The following DLEC1 variants were observed in gnomAD, a reference collection of about 807,000 sequenced individuals.
DLEC1 encodes the protein DLEC1 cilia and flagella associated protein.
In DLEC1, 146 loss-of-function variants were observed where a neutral mutation model predicts 198.1. The observed-to-expected ratio is 0.74, with a 90% CI of 0.64 to 0.85. The LOEUF is 0.85. Ranked by LOEUF, DLEC1 falls within the 40% of genes least tolerant of loss-of-function variation. DLEC1 has a pLI of 0.00. For synonymous variants in DLEC1, 897 were observed against 866.8 expected (o/e 1.03, Z -0.61); for missense variants, 2,233 against 2,220.0 (o/e 1.01, Z -0.12).
At chr3:38,111,841 C>T (rs975352688) in intron 24 of DLEC1, 94 bp downstream of exon 24, 1 of 1,415,880 alleles carries the variant, frequency 7.1e-7, no homozygotes, top group South Asian at 1.3e-5. Context: ...GGGAGCGGGA[C>T]CAGGACCAGA....
At chr3:38,114,677 A>G (rs1057419476) in intron 26 of DLEC1, among the ~76,000 whole-genome samples, 1 of 152,144 alleles carries the variant, frequency 6.6e-6, no homozygotes, top group Admixed American at 6.5e-5. Flanking sequence ...TGTGGGGCAG[A>G]AGTGGCGAGT....
At chr3:38,057,353 G>A (rs1194164986) in intron 2 of DLEC1, among the ~76,000 whole-genome samples, 2 of 152,128 alleles carry the variant, frequency 1.3e-5, no homozygotes, top group African/African-American at 2.4e-5. Context: ...TTAGCTGGGC[G>A]TGGTGGCACG....
At chr3:38,040,629 C>G (rs564407155) in intron 1 of DLEC1, among the ~76,000 whole-genome samples, 2 of 152,256 alleles carry the variant, frequency 1.3e-5, no homozygotes, top group South Asian at 4.1e-4. Context: ...TTCAGCCTAC[C>G]CAGCCAGACC....
intron 3 of DLEC1, among the ~76,000 whole-genome samples, chr3:38,061,287 T>TTCAGCC (rs1438234121): frequency 6.6e-6 from 1 of 152,130 alleles, no homozygotes; most frequent in Non-Finnish European, 1.5e-5. Context: ...TTTCTCCTGC[T>TTCAGCC]TCAGCCTCAG....
intron 27 of DLEC1, among the ~76,000 whole-genome samples, chr3:38,115,645 G>A (rs530543441): frequency 7.2e-5 from 11 of 152,210 alleles, no homozygotes; most frequent in South Asian, 6.2e-4. Context: ...GGAGAGCTGC[G>A]AGCAGGACTG....
At position 38,086,228 on chromosome 3, in the gene DLEC1, C is replaced by A; in HGVS notation, c.1436-13C>A. Reference sequence around the variant, plus strand: ...CTGTTGTTTCTCTTGCACATGTTCTCCTGTGGCTACAGTGTCACCGGTGTT... The same window carrying A: ...CTGTTGTTTCTCTTGCACATGTTCTACTGTGGCTACAGTGTCACCGGTGTT... On this transcript the variant is annotated splice_polypyrimidine_tract_variant and intron_variant, in intron 8 of 36. Transcript: ENST00000308059. The A allele has an allele frequency of 6.2e-7, 1 of 1,601,484 alleles. No individual in the cohort carries two copies. Among genetic ancestry groups the A allele is most frequent in the Non-Finnish European group, 8.5e-7 (1 of 1,173,842 alleles).
At position 38,122,576 on chromosome 3, in the gene DLEC1, C is replaced by T. The variant is rs1700544991; in HGVS notation, c.*164C>T. ...CTTCCACAATGGTCTCAGCCTAGGC[C>T]CTCATGATATGTCCTCAGAGCTAAC... is the stretch of plus-strand genomic sequence containing the variant. On this transcript the variant is annotated 3_prime_UTR_variant, in exon 37 of 37. Coordinates refer to ENST00000308059, the MANE Select transcript of DLEC1 (RefSeq NM_007335.4). The T allele has an allele frequency of 6.3e-7, 1 of 1,595,552 alleles. No individual in the cohort carries two copies. Among genetic ancestry groups the T allele is most frequent in the Non-Finnish European group, 8.5e-7 (1 of 1,174,246 alleles).
Position 38,039,327 on chromosome 3 carries a change from C to T in DLEC1, c.102C>T (p.Ser34=). The change falls in exon 1 of 37, where the codon AGC becomes AGT. Residue 34 remains serine (S), a synonymous_variant. Transcript: ENST00000308059. ...CAACTTCGCCACCAGCCGGGTCCAG[C>T]AGCCCCAGCCAGCCCACCTGGAAGT... ...WAPTSPPAGS[S]SPSQPTWKSS... 1.2e-6 allele frequency: 2 copies of T among 1,614,232 alleles called. No homozygotes were observed. Among genetic ancestry groups the T allele is most frequent in the South Asian group, 2.2e-5 (2 of 91,088 alleles).
At chr3:38,114,736 T>C (rs545457087) in intron 26 of DLEC1, among the ~76,000 whole-genome samples, 11 of 152,118 alleles carry the variant, frequency 7.2e-5, no homozygotes, top group African/African-American at 1.9e-4. Context: ...CCTGGCACAG[T>C]TGAACTGGAA....
At chr3:38,045,772 C>T in intron 2 of DLEC1, 79 bp downstream of exon 2, 1 of 1,415,890 alleles carries the variant, frequency 7.1e-7, no homozygotes, top group South Asian at 1.4e-5. Flanking sequence ...ATTGCCCACT[C>T]TCTAGGCTTT....
At position 38,115,023 on chromosome 3, in the gene DLEC1, A is replaced by G; in HGVS notation, c.3826A>G (p.Thr1276Ala). The G allele has an allele frequency of 6.2e-7, 1 of 1,610,790 alleles. No homozygotes were observed. The highest frequency in any genetic ancestry group is 1.3e-5 in the African/African-American group (1 of 74,202). The change falls in exon 27 of 37, where the codon ACC becomes GCC. Residue 1276 changes from threonine to alanine, a missense_variant. By Grantham distance (58) the Thr-to-Ala change is moderately conservative. Transcript: ENST00000308059. ...CTCCGGAGGAGACACAGTTACCCGA[A>G]CCCTTCGCCTGAATAACTCCAGCCC... ...QVSGGDTVTR[T>A]LRLNNSSPCD...
intron 8 of DLEC1, 150 bp downstream of exon 8, chr3:38,085,597 C>A: frequency 1.1e-6 from 1 of 903,080 alleles, no homozygotes; most frequent in Non-Finnish European, 1.6e-6. Context: ...CTGCTAGCAG[C>A]TTCTGTAGCC....
rs1700391326 is a variant in DLEC1, at chr3:38,120,491, A to G, written c.4748A>G (p.Gln1583Arg). ...CTCTCCCTGGAGCTGCTCTCCTATC[A>G]GAAGCTCCCAGCTGACCAGACACTG... Reference protein sequence around the residue: ...FSLSLELLSYQKLPADQTLPG... With the variant: ...FSLSLELLSYRKLPADQTLPG... The change falls in exon 34 of 37, where the codon CAG becomes CGG. Residue 1583 changes from glutamine to arginine, a missense_variant. Physicochemically the swap from Gln to Arg is conservative, Grantham distance 43 (BLOSUM62 1). Transcript: ENST00000308059. 6 of 1,614,224 alleles carry G rather than the reference A, an allele frequency of 3.7e-6. No homozygotes were observed. Among genetic ancestry groups the G allele is most frequent in the Non-Finnish European group, 4.2e-6 (5 of 1,180,030 alleles).
Position 38,094,975 on chromosome 3 carries a change from C to T in DLEC1, c.2016C>T (p.Tyr672=), listed in dbSNP as rs761243331. 5.6e-6 allele frequency: 9 copies of T among 1,614,232 alleles called. No homozygotes were observed. The East Asian group carries it at 2.0e-4, about 36-fold the overall frequency. ...ETFSMDSIKC[Y]PDKETAFSIM... The stretch of plus-strand genomic sequence containing the variant: ...TCAGCATGGACAGCATCAAGTGCTA[C>T]CCCGACAAGGAGACTGCCTTCTCCA... Residue 672 remains tyrosine, a synonymous_variant, in exon 13 of 37, where the codon TAC becomes TAT. Coordinates refer to ENST00000308059, the MANE Select transcript of DLEC1 (RefSeq NM_007335.4).
intron 10 of DLEC1, among the ~76,000 whole-genome samples, chr3:38,092,317 A>G (rs1698783326): frequency 6.6e-6 from 1 of 152,218 alleles, no homozygotes; most frequent in African/African-American, 2.4e-5. Flanking sequence ...GATTGCACCT[A>G]TATGTTGGAC....
chr3:38,095,804 A>C, intron 13 of DLEC1, 84 bp from the exon 14 acceptor site: 3 of 1,551,680 alleles, frequency 1.9e-6, no homozygotes, highest in South Asian at 2.2e-5. Flanking sequence ...AAGGGGAGGA[A>C]GAATTCCTGC....
At chr3:38,060,537 G>A (rs1696623653) in intron 3 of DLEC1, among the ~76,000 whole-genome samples, 1 of 152,122 alleles carries the variant, frequency 6.6e-6, no homozygotes, top group Non-Finnish European at 1.5e-5. Flanking sequence ...TTGATTCTCT[G>A]GGGCTTGGGA....
At chr3:38,058,791 G>A (rs1026558544) in intron 2 of DLEC1, among the ~76,000 whole-genome samples, 7 of 152,044 alleles carry the variant, frequency 4.6e-5, no homozygotes, top group Non-Finnish European at 1.0e-4. Flanking sequence ...AGTGGGGGAC[G>A]TTGATAATGG....
rs570161120 is a variant in DLEC1, at chr3:38,123,810, C to T, written c.*1398C>T. ...GAGGTCAGGAGTTCAAGACCAGCCT[C>T]GCCAACATGGTGAAACCCTGTCTCC... is the stretch of plus-strand genomic sequence containing the variant. On this transcript the variant is annotated 3_prime_UTR_variant, in exon 37 of 37. Coordinates refer to ENST00000308059, the MANE Select transcript of DLEC1 (RefSeq NM_007335.4). 2 of 152,146 alleles carry T rather than the reference C, an allele frequency of 1.3e-5. No individual in the cohort carries two copies. The highest frequency in any genetic ancestry group is 2.1e-4 in the South Asian group (1 of 4,818). The allele number at this position is 152,146 out of a possible 1,614,324, so 9.4% of individuals were successfully genotyped here. A position where few individuals can be genotyped will look rare whatever the true frequency, so the allele number is the denominator to read the frequency against.
Sources: gnomAD v4.1 joint callset for allele counts (sites outside exome capture counted in the v4.1 genomes callset) on GRCh38, gnomAD v4.1.1 for gene constraint, MANE v1.5 for transcripts, NCBI Gene and HGNC (gene_info 2026-07-23, HGNC 2026-07-21) for gene names.